The following ADI1 variants were observed in gnomAD, a reference collection of about 807,000 sequenced individuals.
ADI1 encodes acireductone dioxygenase 1, also known as acireductone dioxygenase.
In ADI1, 21 loss-of-function variants were observed where a neutral mutation model predicts 18.7. The ratio of observed to expected loss-of-function variants is 1.13; its 90% confidence interval spans 0.80 to 1.62. The LOEUF is 1.62. ADI1 is among the 40% of genes most tolerant of loss of function. ADI1 has a pLI of 0.00. For missense variants in ADI1, 245 were observed against 254.9 expected, an observed-to-expected ratio of 0.96 and a Z score of 0.26; for synonymous variants, 90 against 100.1, an observed-to-expected ratio of 0.90 and a Z score of 0.60.
chr2:3,507,643 A>T (rs1476236764), intron 2 of ADI1, among the ~76,000 whole-genome samples: 1 of 152,226 alleles, frequency 6.6e-6, no homozygotes, highest in Non-Finnish European at 1.5e-5. Flanking sequence ...TACCTTGCAA[A>T]TAAATGTTTA....
At chr2:3,516,974 C>T (rs1195697955) in intron 1 of ADI1, 1 of 978,202 alleles carries the variant, frequency 1.0e-6, no homozygotes, top group African/African-American at 1.8e-5. Context: ...CAATCTGCCG[C>T]CTCAGCCTCC....
chr2:3,505,603 C>T (rs1315037211), intron 2 of ADI1, among the ~76,000 whole-genome samples: 1 of 152,202 alleles, frequency 6.6e-6, no homozygotes, highest in Non-Finnish European at 1.5e-5. Context: ...GGCCTCAACT[C>T]AGGAGAGCTC....
At position 3,513,958 on chromosome 2, in the gene ADI1, C is replaced by T. The variant is rs896790206; in HGVS notation, c.139G>A (p.Glu47Lys). The change falls in exon 2 of 4, where the codon GAG (glutamate) becomes AAG (lysine). Residue 47 changes from glutamate to lysine, a missense_variant. By Grantham distance (56) the Glu-to-Lys change is moderately conservative. Coordinates refer to ENST00000327435, the MANE Select transcript of ADI1 (RefSeq NM_018269.4). The part of the protein sequence containing the change: ...LYWKLDADKY[E>K]NDPELEKIRR... ...ATCTTTTCTAATTCTGGATCATTCTCATATTTGTCAGCATCCAGCTAAAAG... is the reference window on the plus strand; with the variant it reads ...ATCTTTTCTAATTCTGGATCATTCTTATATTTGTCAGCATCCAGCTAAAAG... 12 of 1,608,602 alleles carry T rather than the reference C, an allele frequency of 7.5e-6. No homozygotes were observed. The highest frequency in any genetic ancestry group is 1.0e-5 in the Non-Finnish European group (12 of 1,178,810).
chr2:3,512,542 C>T (rs904086727), intron 2 of ADI1, among the ~76,000 whole-genome samples: 2 of 152,238 alleles, frequency 1.3e-5, no homozygotes, highest in Admixed American at 6.5e-5. Context: ...TGGGCCACAG[C>T]TCCAGAGGGT....
intron 2 of ADI1, among the ~76,000 whole-genome samples, chr2:3,503,095 GCA>G (rs1444073542): frequency 6.6e-6 from 1 of 151,554 alleles, no homozygotes; most frequent in East Asian, 1.9e-4. Context: ...TGTCACACAA[GCA>G]CACACACTCC....
At chr2:3,513,777 G>GA (rs2103211989) in intron 2 of ADI1, 80 bp downstream of exon 2, 1 of 1,446,288 alleles carries the variant, frequency 6.9e-7, no homozygotes, top group East Asian at 2.4e-5. Context: ...GACATTAAAA[G>GA]AAAAAAGAAA....
chr2:3,504,760 T>C (rs1239354129), intron 2 of ADI1, among the ~76,000 whole-genome samples: 1 of 152,226 alleles, frequency 6.6e-6, no homozygotes, highest in Non-Finnish European at 1.5e-5. Flanking sequence ...TGTGTATGTT[T>C]GTACTGTTTG....
chr2:3,500,697 T>A (rs1474876346), intron 3 of ADI1, 117 bp downstream of exon 3: 2 of 1,346,296 alleles, frequency 1.5e-6, no homozygotes, highest in Non-Finnish European at 1.0e-6. Flanking sequence ...GGTCGAGGAG[T>A]CCCGAGCCCA....
At position 3,516,832 on chromosome 2, in the gene ADI1, G is replaced by A. The variant is rs948202137; in HGVS notation, c.120+2536C>T. ...ATTGATTAAACAGATACACAAACAT[G>A]TCCACATGTGTTACCTCTGTTAAAA... is the stretch of plus-strand genomic sequence containing the variant. On this transcript the variant is annotated intron_variant, in intron 1 of 3. Transcript: ENST00000327435. The A allele has an allele frequency of 1.3e-5, 13 of 985,206 alleles. No individual in the cohort carries two copies. The African/African-American group carries it at 2.3e-4, about 17-fold the overall frequency. 61.0% of individuals were successfully genotyped at this position (985,206 alleles called of 1,614,324 possible). A position where few individuals can be genotyped will look rare whatever the true frequency, so the allele number is the denominator to read the frequency against.
At chr2:3,517,374 T>A (rs1667431796) in intron 1 of ADI1, 1 of 152,028 alleles carries the variant, frequency 6.6e-6, no homozygotes, top group Admixed American at 6.6e-5. Context: ...AGAACGGAGG[T>A]TGCCCTATTC....
At chr2:3,511,516 C>T (rs1231830796) in intron 2 of ADI1, among the ~76,000 whole-genome samples, 2 of 152,180 alleles carry the variant, frequency 1.3e-5, no homozygotes, top group Admixed American at 6.5e-5. Flanking sequence ...ATGGTGGTGA[C>T]AGGAAGCACA....
In ADI1 at chr2:3,519,526, G is replaced by A. The variant is rs551184599; in HGVS notation, c.-39C>T. ...GGTGCCGTGTTCGAACCCAGGGGCC[G>A]CGCTCGGAGCCCGTCGGCCGCGCTT... On this transcript the variant is annotated 5_prime_UTR_variant, in exon 1 of 4. Coordinates refer to ENST00000327435, the MANE Select transcript of ADI1 (RefSeq NM_018269.4). 9 of 1,254,630 alleles carry A rather than the reference G, an allele frequency of 7.2e-6. No homozygotes were observed. The East Asian group carries it at 1.6e-4, about 22-fold the overall frequency. 77.7% of individuals were successfully genotyped at this position (1,254,630 alleles called of 1,614,324 possible). A position where few individuals can be genotyped will look rare whatever the true frequency, so the allele number is the denominator to read the frequency against.
chr2:3,507,593 C>T (rs1356378038), intron 2 of ADI1, among the ~76,000 whole-genome samples: 1 of 151,968 alleles, frequency 6.6e-6, no homozygotes, highest in Non-Finnish European at 1.5e-5. Context: ...CTTTCTCAGA[C>T]AAACAAAAAT....
intron 2 of ADI1, among the ~76,000 whole-genome samples, chr2:3,512,691 G>A (rs1221339110): frequency 6.6e-6 from 1 of 152,240 alleles, no homozygotes; most frequent in Admixed American, 6.5e-5. Context: ...GAAGTCTGTT[G>A]CAGGGTAGAA....
intron 2 of ADI1, among the ~76,000 whole-genome samples, chr2:3,510,193 T>C (rs1173392992): frequency 2.6e-5 from 4 of 151,030 alleles, no homozygotes; most frequent in African/African-American, 7.3e-5. Context: ...CACATACCTG[T>C]AGTCCTAGCT....
rs1667509668 is a variant in ADI1 at position 3,519,509 on chromosome 2, G to C, written c.-22C>G. 4.7e-6 allele frequency: 6 copies of C among 1,266,706 alleles called. No individual in the cohort carries two copies. The highest frequency in any genetic ancestry group is 6.0e-6 in the Non-Finnish European group (6 of 1,004,122). 78.5% of individuals were successfully genotyped at this position (1,266,706 alleles called of 1,614,324 possible). A position where few individuals can be genotyped will look rare whatever the true frequency, so the allele number is the denominator to read the frequency against. On this transcript the variant is annotated 5_prime_UTR_variant, in exon 1 of 4. Transcript: ENST00000327435. ...CCATGACGCGCAGTGCGGGTGCCGT[G>C]TTCGAACCCAGGGGCCGCGCTCGGA...
chr2:3,508,334 C>CAAAAAAAAAAAAAAAA (rs33977448), intron 2 of ADI1, among the ~76,000 whole-genome samples: 7 of 26,924 alleles, frequency 2.6e-4, no homozygotes, highest in East Asian at 1.7e-3. Flanking sequence ...GACTCTGTCT[C>CAAAAAAAAAAAAAAAA]AAAAAAAAAA....
At chr2:3,503,837 C>T (rs1302237964) in intron 2 of ADI1, among the ~76,000 whole-genome samples, 1 of 152,134 alleles carries the variant, frequency 6.6e-6, no homozygotes, top group Non-Finnish European at 1.5e-5. Flanking sequence ...TAAATCCCAG[C>T]AAGAATAGAC....
At position 3,500,834 on chromosome 2, in the gene ADI1, G is replaced by C. The variant is rs754050453; in HGVS notation, c.400C>G (p.Arg134Gly). 1 of 1,614,218 alleles carries C rather than the reference G, an allele frequency of 6.2e-7. No homozygotes were observed. The highest frequency in any genetic ancestry group is 8.5e-7 in the Non-Finnish European group (1 of 1,180,024). ...MVTLPAGIYH[R>G]FTVDEKNYTK... ...CCCACCTTCTCGTCCACCGTGAAGC[G>C]GTGATAGATCCCCGCGGGGAGCGTC... The change falls in exon 3 of 4, where the codon CGC becomes GGC. Residue 134 changes from arginine to glycine, a missense_variant. By Grantham distance (125) the Arg-to-Gly change is moderately radical. Coordinates refer to ENST00000327435, the MANE Select transcript of ADI1 (RefSeq NM_018269.4).
Sources: allele counts gnomAD v4.1 joint callset (sites outside exome capture counted in the v4.1 genomes callset), GRCh38; gene constraint gnomAD v4.1.1; transcripts MANE v1.5; gene names NCBI Gene and HGNC (gene_info 2026-07-23, HGNC 2026-07-21).